The following GPM6B variants were observed in gnomAD, a reference collection of about 807,000 sequenced individuals.
The protein encoded by GPM6B is neuronal membrane glycoprotein M6-b.
GPM6B carries 4 observed loss-of-function variants against 27.2 expected under a neutral mutation model. That is an observed-to-expected ratio of 0.15 (90% CI 0.07 to 0.34). GPM6B has a LOEUF of 0.34. GPM6B is among the 10% of genes least tolerant of loss of function. The pLI, the probability that GPM6B is intolerant of heterozygous loss-of-function variation, is 1.00. For missense variants in GPM6B, 183 were observed against 261.9 expected (o/e 0.70, Z 2.08); for synonymous variants, 124 against 103.1 (o/e 1.20, Z -1.23).
At chrX:13,841,176 T>C (rs1342958201) in intron 1 of GPM6B, among the ~76,000 whole-genome samples, 1 of 111,978 alleles carries the variant, frequency 8.9e-6, no homozygotes, top group Non-Finnish European at 1.9e-5. Context: ...TACGTACACA[T>C]ACTTTCACTT....
chrX:13,780,827 G>T, intron 4 of GPM6B: 1 of 222,741 alleles, frequency 4.5e-6, no homozygotes, highest in Non-Finnish European at 8.6e-6. Context: ...CCCACAGAGG[G>T]TGTGGAGTGC....
intron 1 of GPM6B, among the ~76,000 whole-genome samples, chrX:13,877,295 A>G (rs4830899): frequency 0.21 from 23,647 of 110,970 alleles, 2,208 homozygotes; most frequent in East Asian, 0.64. Flanking sequence ...ATGTTCCACC[A>G]AAAGGTGTGG....
At chrX:13,933,648 T>C (rs1921688506) in intron 1 of GPM6B, among the ~76,000 whole-genome samples, 1 of 112,152 alleles carries the variant, frequency 8.9e-6, no homozygotes, top group Non-Finnish European at 1.9e-5. Flanking sequence ...GAAAACCAGG[T>C]TGATTACTTT....
chrX:13,794,425 C>A (rs1026759177), intron 2 of GPM6B, among the ~76,000 whole-genome samples: 1 of 111,664 alleles, frequency 9.0e-6, no homozygotes. Flanking sequence ...CCAAGAGATT[C>A]TATCCTGCCT....
intron 1 of GPM6B, among the ~76,000 whole-genome samples, chrX:13,837,421 G>A (rs1023781691): frequency 3.6e-5 from 4 of 111,485 alleles, no homozygotes; most frequent in African/African-American, 1.3e-4. Flanking sequence ...CAGTGCCTGG[G>A]GGAAGGGCAG....
At chrX:13,901,022 G>C (rs1190233670) in intron 1 of GPM6B, among the ~76,000 whole-genome samples, 2 of 111,960 alleles carry the variant, frequency 1.8e-5, no homozygotes, top group East Asian at 2.8e-4. Context: ...TTGCCTCTCT[G>C]AGCCTCATTT....
At chrX:13,924,050 G>A (rs778879069) in intron 1 of GPM6B, among the ~76,000 whole-genome samples, 13 of 111,734 alleles carry the variant, frequency 1.2e-4, no homozygotes, top group African/African-American at 4.2e-4. Context: ...ATCATGACAG[G>A]TGTTACCTTG....
intron 1 of GPM6B, among the ~76,000 whole-genome samples, chrX:13,897,729 C>T (rs2050246275): frequency 1.8e-5 from 2 of 111,522 alleles, no homozygotes; most frequent in Non-Finnish European, 3.8e-5. Context: ...AAGGAATGTC[C>T]CAAGTTTGTT....
intron 2 of GPM6B, among the ~76,000 whole-genome samples, chrX:13,800,316 T>C (rs1426234511): frequency 3.6e-5 from 4 of 112,213 alleles, no homozygotes; most frequent in African/African-American, 1.3e-4. Context: ...GGCCTTCAGA[T>C]GAGACTGAAA....
intron 1 of GPM6B, among the ~76,000 whole-genome samples, chrX:13,896,804 G>A (rs781609420): frequency 9.0e-6 from 1 of 111,696 alleles, no homozygotes; most frequent in African/African-American, 3.3e-5. Context: ...CTGACCTCAG[G>A]TGATCCACCT....
chrX:13,805,125 T>G (rs958060130), intron 2 of GPM6B, among the ~76,000 whole-genome samples: 1 of 112,001 alleles, frequency 8.9e-6, no homozygotes, highest in Non-Finnish European at 1.9e-5. Flanking sequence ...GGAGATTGTT[T>G]CAGGATCTGG....
chrX:13,908,312 C>T (rs2050347852), intron 1 of GPM6B, among the ~76,000 whole-genome samples: 1 of 111,815 alleles, frequency 8.9e-6, no homozygotes, highest in South Asian at 3.8e-4. Flanking sequence ...ATCATGTGCC[C>T]CCTTATATGA....
Position 13,772,847 on chromosome X carries a change from G to A in GPM6B, c.*34C>T. ...AGCTGTCTGATGATTTGTCAGAGCT[G>A]TAAATACGTCGGCCGAAACACTCTG... On this transcript the variant is annotated 3_prime_UTR_variant, in exon 8 of 8. Coordinates refer to ENST00000316715, the MANE Select transcript of GPM6B (RefSeq NM_001001995.3). The A allele has an allele frequency of 3.3e-6, 4 of 1,194,711 alleles. No homozygotes were observed. The highest frequency in any genetic ancestry group is 1.8e-5 in the South Asian group (1 of 54,775).
At chrX:13,844,892 C>T (rs5979980) in intron 1 of GPM6B, among the ~76,000 whole-genome samples, 24,180 of 111,323 alleles carry the variant, frequency 0.22, 1,933 homozygotes, top group East Asian at 0.27. Context: ...TGCAGTATGA[C>T]CAACAAAGCT....
chrX:13,935,260 A>T (rs1921770047), intron 1 of GPM6B, among the ~76,000 whole-genome samples: 1 of 104,565 alleles, frequency 9.6e-6, no homozygotes, highest in African/African-American at 3.6e-5. Flanking sequence ...GCACTTTGGG[A>T]AGCAGAGGAG....
rs1158683075 is a variant in GPM6B, at chrX:13,812,040, TTTTC to T, written c.62-4275_62-4272del. On this transcript the variant is annotated intron_variant, in intron 1 of 7. Coordinates refer to ENST00000316715, the MANE Select transcript of GPM6B (RefSeq NM_001001995.3). ...GACATTTCAAAGGAGAACACTTTTCTTTTCTTTCTTTTTTTTTTTTTTTTTTTGA... is the reference window on the plus strand; with the variant it reads ...GACATTTCAAAGGAGAACACTTTTCTTTTCTTTTTTTTTTTTTTTTTTTGA... Among the ~76,000 whole-genome samples the T allele has an allele frequency of 2.6e-4, 22 of 83,617 alleles. 1 individual carries two copies. The highest frequency in any genetic ancestry group is 4.3e-4 in the Non-Finnish European group (18 of 42,066). The allele number at this position is 83,617 out of a possible 115,157, so 72.6% of individuals were successfully genotyped here.
chrX:13,829,859 A>T (rs895960810), intron 1 of GPM6B, among the ~76,000 whole-genome samples: 3 of 88,477 alleles, frequency 3.4e-5, no homozygotes, highest in Admixed American at 2.5e-4. Context: ...TCTGTCCTGA[A>T]TTTTTTTTTT....
intron 1 of GPM6B, among the ~76,000 whole-genome samples, chrX:13,906,598 G>A (rs2050333850): frequency 8.9e-6 from 1 of 112,284 alleles, no homozygotes; most frequent in African/African-American, 3.2e-5. Context: ...CACTCATGTT[G>A]TAACTCATAT....
chrX:13,802,127 CA>C (rs1399652060), intron 2 of GPM6B, among the ~76,000 whole-genome samples: 2 of 107,840 alleles, frequency 1.9e-5, no homozygotes, highest in Non-Finnish European at 3.8e-5. Flanking sequence ...GATTTCAAAG[CA>C]AAATTAATTT....
Sources: gnomAD v4.1 joint callset for allele counts (sites outside exome capture counted in the v4.1 genomes callset) on GRCh38, gnomAD v4.1.1 for gene constraint, MANE v1.5 for transcripts, NCBI Gene and HGNC (gene_info 2026-07-23, HGNC 2026-07-21) for gene names.